The following TMEM168 variants were observed in gnomAD, a reference collection of about 807,000 sequenced individuals.
TMEM168 encodes transmembrane protein 168.
A neutral mutation model predicts 53.2 loss-of-function variants in TMEM168; 40 were observed. That is an observed-to-expected ratio of 0.75 (90% CI 0.58 to 0.98). TMEM168 has a LOEUF of 0.98. TMEM168 is among the 50% of genes least tolerant of loss of function. The pLI, the probability that TMEM168 is intolerant of heterozygous loss-of-function variation, is 0.00. For missense variants in TMEM168, 771 were observed against 828.8 expected (o/e 0.93, Z 0.86); for synonymous variants, 282 against 293.0 (o/e 0.96, Z 0.38).
chr7:112,767,720 G>A lies in TMEM168; in HGVS notation c.1571C>T (p.Thr524Ile). ...LAGGDTLRLD[T>I]LIEWWREKNG... ...CTTTTCTCTCCACCATTCTATAAGT[G>A]TGTCAAGGCGTAGTGTATCTCCACC... Residue 524 changes from threonine to isoleucine, a missense_variant, in exon 5 of 5, where the codon ACA (threonine) becomes ATA (isoleucine). Thr to Ile is a moderately conservative substitution (Grantham distance 89). Transcript: ENST00000312814. The A allele has an allele frequency of 1.2e-6, 2 of 1,612,520 alleles. No homozygotes were observed. Among genetic ancestry groups the A allele is most frequent in the Non-Finnish European group, 1.7e-6 (2 of 1,179,592 alleles).
At chr7:112,776,874 A>T (rs1793099611) in intron 2 of TMEM168, among the ~76,000 whole-genome samples, 1 of 152,038 alleles carries the variant, frequency 6.6e-6, no homozygotes, top group Non-Finnish European at 1.5e-5. Flanking sequence ...TAAAACTTTA[A>T]TTAGTGGATC....
chr7:112,777,525 TCTTACCATATC>T (rs1183662390), intron 2 of TMEM168, among the ~76,000 whole-genome samples: 1 of 152,186 alleles, frequency 6.6e-6, no homozygotes, highest in Non-Finnish European at 1.5e-5. Flanking sequence ...TATGAGATCT[TCTTACCATATC>T]CTCTGAGTCT....
chr7:112,770,367 T>C (rs1319246134), intron 4 of TMEM168, among the ~76,000 whole-genome samples: 1 of 152,134 alleles, frequency 6.6e-6, no homozygotes, highest in Non-Finnish European at 1.5e-5. Flanking sequence ...TTCTCTCTCT[T>C]TTTTTTAAAC....
chr7:112,775,105 T>G, intron 3 of TMEM168, 71 bp downstream of exon 3: 1 of 1,296,680 alleles, frequency 7.7e-7, no homozygotes, highest in Non-Finnish European at 1.0e-6. Flanking sequence ...GGAGCTATAT[T>G]TTATTCATAT....
chr7:112,784,917 C>G lies in TMEM168; in HGVS notation c.-92G>C. On this transcript the variant is annotated 5_prime_UTR_variant, in exon 2 of 5. Transcript: ENST00000312814. ...TCCAATGTATCCGCAACTCCTATTT[C>G]AACATTTTCTCTTGTGGAAATTTTG... 1 of 1,142,460 alleles carries G rather than the reference C, an allele frequency of 8.8e-7. No individual in the cohort carries two copies. Among genetic ancestry groups the G allele is most frequent in the Non-Finnish European group, 1.2e-6 (1 of 863,734 alleles). The allele number at this position is 1,142,460 out of a possible 1,614,324, so 70.8% of individuals were successfully genotyped here. A position where few individuals can be genotyped will look rare whatever the true frequency, so the allele number is the denominator to read the frequency against.
rs757517808 is a variant in TMEM168 at position 112,775,258 on chromosome 7, G to A, written c.1189C>T (p.His397Tyr). Residue 397 changes from histidine to tyrosine, a missense_variant, in exon 3 of 5, where the codon CAT (histidine) becomes TAT (tyrosine). Physicochemically the swap from His to Tyr is moderately conservative, Grantham distance 83. Transcript: ENST00000312814. ...TTACCCAATTCATGGAAGAGCCCAT[G>A]AGCCATGGATTCCAATGGCAAAACG... ...LIVLPLESMA[H>Y]GLFHELGNCL... 1.1e-5 allele frequency: 17 copies of A among 1,613,558 alleles called. No individual in the cohort carries two copies. Among genetic ancestry groups the A allele is most frequent in the Non-Finnish European group, 2.5e-6 (3 of 1,179,822 alleles).
At chr7:112,778,493 G>T (rs1227849637) in intron 2 of TMEM168, 5 of 151,944 alleles carry the variant, frequency 3.3e-5, no homozygotes, top group Non-Finnish European at 5.9e-5. Flanking sequence ...CTTACAAATG[G>T]AATCAGTTCC....
Position 112,775,352 on chromosome 7 carries a change from A to G in TMEM168, c.1129-34T>C, listed in dbSNP as rs1447921756. 3.2e-6 allele frequency: 5 copies of G among 1,580,628 alleles called. No homozygotes were observed. The African/African-American group carries it at 4.1e-5, about 13-fold the overall frequency. ...AATCCAAAACATGTTTACATAGTACATGTACATATGTGTATATATTTACAT... is the reference window on the plus strand; with the variant it reads ...AATCCAAAACATGTTTACATAGTACGTGTACATATGTGTATATATTTACAT... On this transcript the variant is annotated intron_variant, in intron 2 of 4. Coordinates refer to ENST00000312814, the MANE Select transcript of TMEM168 (RefSeq NM_022484.6).
Position 112,784,250 on chromosome 7 carries a change from A to G in TMEM168, c.576T>C (p.Ile192=), listed in dbSNP as rs1179790742. Residue 192 remains isoleucine, a synonymous_variant, in exon 2 of 5, where the codon ATT becomes ATC. Transcript: ENST00000312814. ...CTAAGAAAGATTTCATTCTCAGATC[A>G]ATAATCAGCATAGCCAGAGCTACAA... ...LLVVALAMLI[I]DLRMKSFLAI... is the part of the protein sequence containing the mutation. The G allele has an allele frequency of 6.2e-7, 1 of 1,614,046 alleles. No homozygotes were observed. Among genetic ancestry groups the G allele is most frequent in the South Asian group, 1.1e-5 (1 of 91,054 alleles).
At chr7:112,774,150 T>A (rs1334093663) in intron 3 of TMEM168, among the ~76,000 whole-genome samples, 1 of 152,178 alleles carries the variant, frequency 6.6e-6, no homozygotes. Flanking sequence ...TCAGAATTCA[T>A]TTATGGCAAA....
At chr7:112,778,068 G>A (rs1260054796) in intron 2 of TMEM168, among the ~76,000 whole-genome samples, 3 of 152,018 alleles carry the variant, frequency 2.0e-5, no homozygotes, top group Admixed American at 6.6e-5. Flanking sequence ...CGGACATTAC[G>A]AGTCTACATA....
intron 2 of TMEM168, among the ~76,000 whole-genome samples, chr7:112,780,020 C>T (rs1047412243): frequency 2.0e-5 from 3 of 152,172 alleles, no homozygotes; most frequent in Non-Finnish European, 4.4e-5. Context: ...CCACAGGCGA[C>T]TTTCAAAACT....
Position 112,765,745 on chromosome 7 carries a change from A to AAAT in TMEM168, c.*1449_*1451dup, listed in dbSNP as rs1792760000. ...TTAAATAAAAAATTAATTTTTAACA[A>AAAT]AATTTTATTTAGAGCATTAGGAAAA... On this transcript the variant is annotated 3_prime_UTR_variant, in exon 5 of 5. Coordinates refer to ENST00000312814, the MANE Select transcript of TMEM168 (RefSeq NM_022484.6). 1 of 152,052 alleles carries AAAT rather than the reference A, an allele frequency of 6.6e-6. No homozygotes were observed. The highest frequency in any genetic ancestry group is 1.5e-5 in the Non-Finnish European group (1 of 68,028). The allele number at this position is 152,052 out of a possible 1,614,324, so 9.4% of individuals were successfully genotyped here.
At position 112,780,966 on chromosome 7, in the gene TMEM168, C is replaced by T. The variant is rs867754355; in HGVS notation, c.1128+2732G>A. Among the ~76,000 whole-genome samples, 175 of 110,224 alleles carry T rather than the reference C, an allele frequency of 1.6e-3. 2 individuals are homozygous for T. Among genetic ancestry groups the T allele is most frequent in the South Asian group, 9.4e-3 (34 of 3,606 alleles). 72.3% of individuals were successfully genotyped at this position (110,224 alleles called of 152,430 possible). ...ATCAAAAAAAAAAAAAAAAAAAAAACGGGGGCACAGATAGTTAATATTTTG... is the reference window on the plus strand; with the variant it reads ...ATCAAAAAAAAAAAAAAAAAAAAAATGGGGGCACAGATAGTTAATATTTTG... On this transcript the variant is annotated intron_variant, in intron 2 of 4. Coordinates refer to ENST00000312814, the MANE Select transcript of TMEM168 (RefSeq NM_022484.6).
In TMEM168 at chr7:112,767,362, A is replaced by ATATGT; in HGVS notation, c.1928_1929insACATA (p.Phe643LeufsTer10). ...GCACTAGGGGATATGTAATACGAGGAAAGTGTAACATCCAGTGCTTGGCCA... is the reference window on the plus strand; with the variant it reads ...GCACTAGGGGATATGTAATACGAGGATATGTAAGTGTAACATCCAGTGCTTGGCCA... On this transcript the variant is annotated frameshift_variant, in exon 5 of 5. Coordinates refer to ENST00000312814, the MANE Select transcript of TMEM168 (RefSeq NM_022484.6). LOFTEE classifies it high-confidence loss of function. 1 of 1,614,210 alleles carries ATATGT rather than the reference A, an allele frequency of 6.2e-7. No homozygotes were observed. Among genetic ancestry groups the ATATGT allele is most frequent in the Non-Finnish European group, 8.5e-7 (1 of 1,180,016 alleles).
At chr7:112,775,138 A>T (rs760449071) in intron 3 of TMEM168, 38 bp downstream of exon 3, 10 of 1,495,222 alleles carry the variant, frequency 6.7e-6, no homozygotes, top group Admixed American at 6.7e-5. Flanking sequence ...AATGTTATGA[A>T]GTGAATAGTT....
Position 112,767,363 on chromosome 7 carries a change from AAGTGTAACATCC to A in TMEM168, c.1916_1927del (p.Trp639_His642del). On this transcript the variant is annotated inframe_deletion, in exon 5 of 5. Transcript: ENST00000312814. ...CACTAGGGGATATGTAATACGAGGA[AAGTGTAACATCC>A]AGTGCTTGGCCACATCGCTTCCCGT... is the stretch of plus-strand genomic sequence containing the variant. The A allele has an allele frequency of 6.2e-7, 1 of 1,614,210 alleles. No individual in the cohort carries two copies. Among genetic ancestry groups the A allele is most frequent in the Non-Finnish European group, 8.5e-7 (1 of 1,180,018 alleles).
chr7:112,777,721 T>C (rs1292567593), intron 2 of TMEM168, among the ~76,000 whole-genome samples: 2 of 152,188 alleles, frequency 1.3e-5, no homozygotes. Flanking sequence ...TAGTTCTTTG[T>C]AAAATCTGCC....
At position 112,784,779 on chromosome 7, in the gene TMEM168, G is replaced by A; in HGVS notation, c.47C>T (p.Ala16Val). ...RYCFSHCLYL[A>V]MTRLEEVNRE... ...ATTTACTTCTTCCAGTCTTGTCATTGCTAAATAGAGACAATGACTAAAGCA... is the reference window on the plus strand; with the variant it reads ...ATTTACTTCTTCCAGTCTTGTCATTACTAAATAGAGACAATGACTAAAGCA... Residue 16 changes from alanine to valine, a missense_variant, in exon 2 of 5, where the codon GCA (alanine) becomes GTA (valine). By Grantham distance (64) the Ala-to-Val change is moderately conservative. Transcript: ENST00000312814. 1.9e-6 allele frequency: 3 copies of A among 1,606,846 alleles called. No homozygotes were observed. The highest frequency in any genetic ancestry group is 2.7e-5 in the African/African-American group (2 of 74,690).
Sources: allele counts gnomAD v4.1 joint callset (sites outside exome capture counted in the v4.1 genomes callset), GRCh38; gene constraint gnomAD v4.1.1; transcripts MANE v1.5; gene names NCBI Gene and HGNC (gene_info 2026-07-23, HGNC 2026-07-21).